The following LRMDA variants were observed in gnomAD, a reference collection of about 807,000 sequenced individuals.
LRMDA encodes leucine rich melanocyte differentiation associated.
A neutral mutation model predicts 29.8 loss-of-function variants in LRMDA; 18 were observed. That is an observed-to-expected ratio of 0.60 (90% CI 0.42 to 0.90). The LOEUF (loss-of-function observed/expected upper bound fraction) is 0.90. Ranked by LOEUF, LRMDA falls within the 40% of genes least tolerant of loss-of-function variation. The probability of loss-of-function intolerance (pLI) is 0.00; values close to 1 mark genes in which losing one functional copy is unlikely to be tolerated. For missense variants in LRMDA, 273 were observed against 273.9 expected, an observed-to-expected ratio of 1.00 and a Z score of 0.02; for synonymous variants, 125 against 109.4, an observed-to-expected ratio of 1.14 and a Z score of -0.89.
intron 6 of LRMDA, among the ~76,000 whole-genome samples, chr10:76,351,477 G>C (rs1201568460): frequency 6.6e-6 from 1 of 151,918 alleles, no homozygotes; most frequent in Non-Finnish European, 1.5e-5. Flanking sequence ...GTTTCTCTGG[G>C]GCTGCTACAT....
intron 2 of LRMDA, among the ~76,000 whole-genome samples, chr10:75,455,499 CT>C (rs1844505018): frequency 6.6e-6 from 1 of 152,180 alleles, no homozygotes; most frequent in Non-Finnish European, 1.5e-5. Context: ...TCCCTGTGGA[CT>C]TTGAGAACCT....
At chr10:75,745,502 A>G (rs1842880866) in intron 2 of LRMDA, among the ~76,000 whole-genome samples, 1 of 152,206 alleles carries the variant, frequency 6.6e-6, no homozygotes, top group Non-Finnish European at 1.5e-5. Flanking sequence ...CTTTAAAAAC[A>G]CTATATTTTG....
intron 2 of LRMDA, among the ~76,000 whole-genome samples, chr10:75,637,928 G>A (rs1239381933): frequency 6.6e-6 from 1 of 152,212 alleles, no homozygotes; most frequent in Non-Finnish European, 1.5e-5. Context: ...CTCTCATTAA[G>A]TGTTACCCCT....
At chr10:75,570,889 GA>G (rs1364080608) in intron 2 of LRMDA, among the ~76,000 whole-genome samples, 3 of 152,150 alleles carry the variant, frequency 2.0e-5, no homozygotes, top group African/African-American at 7.2e-5. Context: ...TTGTAGCAAT[GA>G]AAGTATTTAA....
chr10:76,319,914 A>G (rs528015088), intron 5 of LRMDA, among the ~76,000 whole-genome samples: 6 of 152,310 alleles, frequency 3.9e-5, no homozygotes, highest in South Asian at 4.1e-4. Context: ...ATTTATGGCT[A>G]TTAAACAACT....
chr10:75,806,768 T>C lies in LRMDA; in HGVS notation c.132-229240T>C, dbSNP rs1342244210. On this transcript the variant is annotated intron_variant, in intron 2 of 6. Transcript: ENST00000611255. ...GGTTTGCTGTGTGCTAGGACCCCCA[T>C]GTCTTAACCACAGTTGATTTATTTT... Among the ~76,000 whole-genome samples, 4 of 149,370 alleles carry C rather than the reference T, an allele frequency of 2.7e-5. No individual in the cohort carries two copies. In the East Asian group the frequency reaches 7.8e-4, roughly 29 times the overall value.
In LRMDA at chr10:76,327,274, G is replaced by A. The variant is rs186758205; in HGVS notation, c.601+2789G>A. 7.9e-5 allele frequency among the ~76,000 whole-genome samples: 12 copies of A among 152,052 alleles called. 1 individual carries two copies. The East Asian group carries it at 2.3e-3, about 30-fold the overall frequency. On this transcript the variant is annotated intron_variant, in intron 6 of 6. Coordinates refer to ENST00000611255, the MANE Select transcript of LRMDA (RefSeq NM_001305581.2). ...GCCTGGCTAATTTTTTGTATCTTTA[G>A]TAGAGACAGGGTTTCACCATGTTGA...
intron 2 of LRMDA, among the ~76,000 whole-genome samples, chr10:75,608,251 G>C (rs1840984239): frequency 6.6e-6 from 1 of 151,798 alleles, no homozygotes. Flanking sequence ...ACTACTGCAT[G>C]ATCTCACTTA....
intron 2 of LRMDA, among the ~76,000 whole-genome samples, chr10:75,755,665 C>T (rs1843022836): frequency 6.6e-6 from 1 of 152,204 alleles, no homozygotes; most frequent in African/African-American, 2.4e-5. Flanking sequence ...GATCAAAGAG[C>T]AGCAAGATTC....
At chr10:76,224,271 GA>G (rs941111923) in intron 5 of LRMDA, among the ~76,000 whole-genome samples, 206 of 141,054 alleles carry the variant, frequency 1.5e-3, no homozygotes, top group African/African-American at 2.5e-3. Flanking sequence ...TATAAGCACT[GA>G]AAAAAAAAAA....
intron 2 of LRMDA, among the ~76,000 whole-genome samples, chr10:75,630,356 C>T (rs1037759817): frequency 6.6e-6 from 1 of 152,246 alleles, no homozygotes; most frequent in Non-Finnish European, 1.5e-5. Context: ...GTTTCGGAGA[C>T]CAGTCTTCGC....
chr10:75,522,493 G>A (rs921595621), intron 2 of LRMDA, among the ~76,000 whole-genome samples: 16 of 152,320 alleles, frequency 1.1e-4, no homozygotes, highest in African/African-American at 3.8e-4. Context: ...CAAGACATCT[G>A]TGGAAGTGGT....
chr10:76,068,861 C>T (rs149939831), intron 5 of LRMDA, among the ~76,000 whole-genome samples: 7 of 152,296 alleles, frequency 4.6e-5, no homozygotes, highest in African/African-American at 7.2e-5. Flanking sequence ...TGCAGTAGCA[C>T]GCAAGTAATG....
At chr10:76,542,054 CGT>C (rs34637437) in intron 6 of LRMDA, among the ~76,000 whole-genome samples, 36,538 of 150,006 alleles carry the variant, frequency 0.24, 4,541 homozygotes, top group African/African-American at 0.31. Flanking sequence ...GGTGTGTGCA[CGT>C]GTGTGTGTGT....
At chr10:76,544,734 A>G (rs1843399446) in intron 6 of LRMDA, among the ~76,000 whole-genome samples, 1 of 151,684 alleles carries the variant, frequency 6.6e-6, no homozygotes, top group Non-Finnish European at 1.5e-5. Context: ...ACACACACAC[A>G]CACACACACA....
chr10:76,464,843 A>G (rs941425082), intron 6 of LRMDA: 5 of 152,256 alleles, frequency 3.3e-5, no homozygotes, highest in Non-Finnish European at 2.9e-5. Context: ...GTGCTCATAT[A>G]CATATGCTTG....
At chr10:75,750,765 A>G (rs1378826580) in intron 2 of LRMDA, among the ~76,000 whole-genome samples, 16 of 144,598 alleles carry the variant, frequency 1.1e-4, no homozygotes, top group Non-Finnish European at 4.5e-5. Context: ...ATGGGCGGCC[A>G]GGCAGAGACG....
chr10:76,528,563 A>G (rs1843202435), intron 6 of LRMDA, among the ~76,000 whole-genome samples: 1 of 152,182 alleles, frequency 6.6e-6, no homozygotes, highest in Admixed American at 6.6e-5. Context: ...ATAATAAGAA[A>G]ACAATTAAAA....
At chr10:75,960,194 CA>C (rs1846739838) in intron 2 of LRMDA, among the ~76,000 whole-genome samples, 1 of 152,168 alleles carries the variant, frequency 6.6e-6, no homozygotes, top group Non-Finnish European at 1.5e-5. Flanking sequence ...GGGAGGAAAT[CA>C]GAGCTCTAGA....
Sources: allele counts gnomAD v4.1 joint callset (sites outside exome capture counted in the v4.1 genomes callset), GRCh38; gene constraint gnomAD v4.1.1; transcripts MANE v1.5; gene names NCBI Gene and HGNC (gene_info 2026-07-23, HGNC 2026-07-21).